The following MRC1 variants were observed in gnomAD, a reference collection of about 807,000 sequenced individuals.
MRC1 encodes the protein mannose receptor C-type 1, also known as macrophage mannose receptor 1.
In MRC1, 62 loss-of-function variants were observed where a neutral mutation model predicts 102.9. That is an observed-to-expected ratio of 0.60 (90% CI 0.49 to 0.74). The LOEUF (loss-of-function observed/expected upper bound fraction) is 0.74. Ranked by LOEUF, MRC1 falls within the 30% of genes least tolerant of loss-of-function variation. The pLI, the probability that MRC1 is intolerant of heterozygous loss-of-function variation, is 0.00. For synonymous variants in MRC1, 457 were observed against 298.4 expected, an observed-to-expected ratio of 1.53 and a Z score of -5.48; for missense variants, 1,237 against 862.8, an observed-to-expected ratio of 1.43 and a Z score of -5.43.
chr10:17,853,053 A>C lies in MRC1; in HGVS notation c.1336A>C (p.Thr446Pro). The C allele has an allele frequency of 1.3e-6, 1 of 780,842 alleles. No individual in the cohort carries two copies. The allele number at this position is 780,842 out of a possible 1,614,324, so 48.4% of individuals were successfully genotyped here. A position where few individuals can be genotyped will look rare whatever the true frequency, so the allele number is the denominator to read the frequency against. ...GAGTGATGGGACCCCTGTAACGTTT[A>C]CCAAATGGCTTCGTGGAGAACCAAG... The part of the protein sequence containing the change: ...EWSDGTPVTF[T>P]KWLRGEPSHE... Residue 446 changes from threonine (T) to proline (P), a missense_variant, in exon 8 of 30, where the codon ACC (threonine) becomes CCC (proline). Thr to Pro is a conservative substitution (Grantham distance 38). Transcript: ENST00000569591.
At chr10:17,865,417 T>C (rs1322150110) in intron 11 of MRC1, 2 of 152,214 alleles carry the variant, frequency 1.3e-5, no homozygotes, top group African/African-American at 2.4e-5. Flanking sequence ...TCTTACTCTG[T>C]AAGTGAAGCT....
intron 12 of MRC1, among the ~76,000 whole-genome samples, chr10:17,867,499 T>A (rs1164471899): frequency 2.0e-5 from 3 of 151,910 alleles, no homozygotes; most frequent in African/African-American, 7.3e-5. Flanking sequence ...CATGGCTCAC[T>A]GCAGCCTCAA....
intron 4 of MRC1, among the ~76,000 whole-genome samples, chr10:17,839,232 C>A (rs1482531804): frequency 3.3e-5 from 5 of 152,162 alleles, no homozygotes; most frequent in African/African-American, 1.2e-4. Flanking sequence ...GAGCTATTAT[C>A]ATTTCTCATG....
intron 2 of MRC1, among the ~76,000 whole-genome samples, chr10:17,826,760 T>G (rs1351732601): frequency 6.6e-6 from 1 of 152,236 alleles, no homozygotes; most frequent in Non-Finnish European, 1.5e-5. Flanking sequence ...ACATTTCTAG[T>G]TGAACCCAGA....
chr10:17,818,713 G>T (rs2130582046), intron 1 of MRC1, among the ~76,000 whole-genome samples: 1 of 152,274 alleles, frequency 6.6e-6, no homozygotes, highest in Non-Finnish European at 1.5e-5. Flanking sequence ...GCAGGAGAAT[G>T]GTTTGAAATC....
chr10:17,822,590 C>T (rs1193874377), intron 1 of MRC1, among the ~76,000 whole-genome samples: 1 of 152,232 alleles, frequency 6.6e-6, no homozygotes, highest in African/African-American at 2.4e-5. Context: ...CACTGCACTC[C>T]AGCCTGAGCA....
At chr10:17,863,755 G>A (rs1315845130) in intron 11 of MRC1, 73 bp downstream of exon 11, 1 of 738,192 alleles carries the variant, frequency 1.4e-6, no homozygotes. Flanking sequence ...TATTCCTCCG[G>A]GTATCTCTGC....
chr10:17,881,629 G>A (rs936141554), intron 21 of MRC1, among the ~76,000 whole-genome samples: 1 of 148,714 alleles, frequency 6.7e-6, no homozygotes, highest in Non-Finnish European at 1.5e-5. Flanking sequence ...TTGTAATGCA[G>A]CAAAGTTGAT....
intron 2 of MRC1, 113 bp from the exon 3 acceptor site, chr10:17,827,429 C>T (rs1838497427): frequency 4.2e-6 from 2 of 477,192 alleles, no homozygotes; most frequent in African/African-American, 2.4e-5. Flanking sequence ...TCTGTGGGTG[C>T]ATCAAGTGTA....
At chr10:17,898,963 A>G (rs868971602) in intron 24 of MRC1, among the ~76,000 whole-genome samples, 21,356 of 152,192 alleles carry the variant, frequency 0.14, 2,024 homozygotes, top group Non-Finnish European at 0.21. Flanking sequence ...GAAGTATCAA[A>G]GAGAGGCATA....
chr10:17,858,162 T>C (rs1335701184), intron 9 of MRC1, among the ~76,000 whole-genome samples: 1 of 152,208 alleles, frequency 6.6e-6, no homozygotes, highest in Non-Finnish European at 1.5e-5. Flanking sequence ...CTTAAATTCA[T>C]CCTCACCCTG....
chr10:17,852,250 G>C (rs901974780), intron 7 of MRC1, among the ~76,000 whole-genome samples: 1 of 151,952 alleles, frequency 6.6e-6, no homozygotes, highest in Admixed American at 6.6e-5. Context: ...AATCTATATT[G>C]GTTGTTTTCG....
chr10:17,895,086 A>G (rs1833736595), intron 23 of MRC1, among the ~76,000 whole-genome samples: 1 of 152,092 alleles, frequency 6.6e-6, no homozygotes, highest in African/African-American at 2.4e-5. Context: ...GTGGTGACTT[A>G]TGCCTGTAGT....
At chr10:17,871,056 A>T in intron 14 of MRC1, 121 bp downstream of exon 14, 1 of 735,290 alleles carries the variant, frequency 1.4e-6, no homozygotes, top group South Asian at 1.6e-5. Context: ...CTATCCTGCC[A>T]TGCAAAATTG....
At chr10:17,908,524 A>G (rs959128017) in intron 28 of MRC1, among the ~76,000 whole-genome samples, 103 of 151,976 alleles carry the variant, frequency 6.8e-4, no homozygotes, top group African/African-American at 2.4e-3. Flanking sequence ...CTGTTCTAAG[A>G]CACACCACAT....
At chr10:17,876,068 G>GATAAACATGATTGTAGAC (rs1293282023) in intron 17 of MRC1, among the ~76,000 whole-genome samples, 2 of 152,104 alleles carry the variant, frequency 1.3e-5, no homozygotes, top group African/African-American at 4.8e-5. Context: ...ATGGAACAGT[G>GATAAACATGATTGTAGAC]ACATGTGATA....
At chr10:17,831,055 A>T (rs1589167958) in intron 3 of MRC1, among the ~76,000 whole-genome samples, 1 of 141,928 alleles carries the variant, frequency 7.0e-6, no homozygotes, top group African/African-American at 2.7e-5. Context: ...TACCTGGGTA[A>T]TTTTTTTTTT....
chr10:17,873,224 T>A (rs1833379844), intron 15 of MRC1, among the ~76,000 whole-genome samples: 2 of 152,188 alleles, frequency 1.3e-5, no homozygotes, highest in Admixed American at 1.3e-4. Context: ...AGCCATACAT[T>A]TAAGAAAAAT....
chr10:17,891,208 C>T (rs1833669304), intron 22 of MRC1, among the ~76,000 whole-genome samples: 2 of 150,364 alleles, frequency 1.3e-5, no homozygotes, highest in Non-Finnish European at 3.0e-5. Context: ...ACTCTGTTGC[C>T]CAGGCTGGAG....
Sources: gnomAD v4.1 joint callset for allele counts (sites outside exome capture counted in the v4.1 genomes callset) on GRCh38, gnomAD v4.1.1 for gene constraint, MANE v1.5 for transcripts, NCBI Gene and HGNC (gene_info 2026-07-23, HGNC 2026-07-21) for gene names.